SLC2A2: variants seen among roughly 807,000 people sequenced by gnomAD.
SLC2A2 encodes solute carrier family 2 member 2.
In SLC2A2, 36 loss-of-function variants were observed where a neutral mutation model predicts 54.5. The observed-to-expected ratio is 0.66, with a 90% CI of 0.51 to 0.87. SLC2A2 has a LOEUF of 0.87. Ranked by LOEUF, SLC2A2 falls within the 40% of genes least tolerant of loss-of-function variation. SLC2A2 has a pLI of 0.00. For missense variants in SLC2A2, 543 were observed against 624.3 expected, an observed-to-expected ratio of 0.87 and a Z score of 1.39; for synonymous variants, 223 against 219.1, an observed-to-expected ratio of 1.02 and a Z score of -0.16.
chr3:171,019,097 G>GTATA (rs775019312), intron 1 of SLC2A2, among the ~76,000 whole-genome samples: 282 of 20,124 alleles, frequency 0.014, 5 homozygotes, highest in East Asian at 0.037. Context: ...GTGTGTGTGT[G>GTATA]TATATATATA....
chr3:171,000,819 T>A (rs1715301503), intron 8 of SLC2A2, among the ~76,000 whole-genome samples: 1 of 152,124 alleles, frequency 6.6e-6, no homozygotes, highest in Admixed American at 6.6e-5. Context: ...TGCATATTTT[T>A]ATTTGAAAGT....
At chr3:171,025,858 T>TA (rs1716664486) in intron 1 of SLC2A2, among the ~76,000 whole-genome samples, 1 of 152,172 alleles carries the variant, frequency 6.6e-6, no homozygotes, top group African/African-American at 2.4e-5. Flanking sequence ...AGTTTTTTTT[T>TA]AAAGTATCAT....
chr3:171,026,630 TTGAAA>T, intron 1 of SLC2A2, 21 bp downstream of exon 1: 1 of 1,607,180 alleles, frequency 6.2e-7, no homozygotes, highest in Non-Finnish European at 8.5e-7. Flanking sequence ...AAAACCAGAC[TTGAAA>T]TGAATATAAT....
chr3:171,015,402 G>T (rs1716101886), intron 2 of SLC2A2, among the ~76,000 whole-genome samples: 1 of 152,112 alleles, frequency 6.6e-6, no homozygotes, highest in Non-Finnish European at 1.5e-5. Context: ...AGCCTGCGAG[G>T]TTGAGGCTGC....
intron 2 of SLC2A2, among the ~76,000 whole-genome samples, chr3:171,015,137 C>T (rs761973215): frequency 6.6e-5 from 10 of 152,112 alleles, no homozygotes; most frequent in African/African-American, 2.2e-4. Flanking sequence ...TAAATTTTTT[C>T]GAGTTTTAAA....
In SLC2A2 at chr3:170,998,316, C is replaced by A. The variant is rs371657103; in HGVS notation, c.1251G>T (p.Pro417=). 6.2e-7 allele frequency: 1 copy of A among 1,613,610 alleles called. No individual in the cohort carries two copies. Among genetic ancestry groups the A allele is most frequent in the Non-Finnish European group, 8.5e-7 (1 of 1,179,772 alleles). ...FVSFFEIGPG[P]IPWFMVAEFF... Reference sequence around the variant, plus strand: ...ACTCAGCCACCATGAACCAGGGGATCGGGCCTGGCCCAATTTCAAAGAAGC... The same window carrying A: ...ACTCAGCCACCATGAACCAGGGGATAGGGCCTGGCCCAATTTCAAAGAAGC... Residue 417 remains proline, a synonymous_variant, in exon 10 of 11, where the codon CCG becomes CCT. Coordinates refer to ENST00000314251, the MANE Select transcript of SLC2A2 (RefSeq NM_000340.2).
intron 1 of SLC2A2, among the ~76,000 whole-genome samples, chr3:171,019,393 A>G (rs1441986205): frequency 6.6e-6 from 1 of 151,916 alleles, no homozygotes; most frequent in Non-Finnish European, 1.5e-5. Context: ...CAGGATTTGC[A>G]TCTAGTTCAG....
intron 2 of SLC2A2, among the ~76,000 whole-genome samples, chr3:171,017,973 G>A (rs181805404): frequency 1.3e-5 from 2 of 152,274 alleles, no homozygotes; most frequent in African/African-American, 4.8e-5. Context: ...GTCACCTATG[G>A]GAGACAGGAA....
chr3:171,022,599 A>G (rs557076901), intron 1 of SLC2A2, among the ~76,000 whole-genome samples: 1 of 152,278 alleles, frequency 6.6e-6, no homozygotes, highest in East Asian at 1.9e-4. Flanking sequence ...TCCCAGTCTC[A>G]TCCCTGCATT....
intron 3 of SLC2A2, among the ~76,000 whole-genome samples, chr3:171,010,569 T>C (rs1483077755): frequency 1.3e-5 from 2 of 152,128 alleles, no homozygotes; most frequent in Non-Finnish European, 2.9e-5. Flanking sequence ...ATAGCTAAAT[T>C]CAATTCTATA....
chr3:171,004,713 G>A (rs1421014136), intron 7 of SLC2A2, among the ~76,000 whole-genome samples: 4 of 151,932 alleles, frequency 2.6e-5, no homozygotes, highest in Non-Finnish European at 2.9e-5. Context: ...CTAAAAGCTA[G>A]CTAGTTTAAT....
At chr3:171,005,608 T>G in intron 6 of SLC2A2, 136 bp from the exon 7 acceptor site, 1 of 724,600 alleles carries the variant, frequency 1.4e-6, no homozygotes, top group South Asian at 1.7e-5. Context: ...AATTCTTTTT[T>G]TGTTAAATTA....
chr3:170,998,955 G>C lies in SLC2A2; in HGVS notation c.1170+110C>G. 3 of 782,878 alleles carry C rather than the reference G, an allele frequency of 3.8e-6. No homozygotes were observed. The South Asian group carries it at 4.1e-5, about 11-fold the overall frequency. 48.5% of individuals were successfully genotyped at this position (782,878 alleles called of 1,614,324 possible). Reference sequence around the variant, plus strand: ...TATGCTGTTGCTCTGGCTTTATTTCGTAAGTCAGTCTCAAATATTTTTGAA... The same window carrying C: ...TATGCTGTTGCTCTGGCTTTATTTCCTAAGTCAGTCTCAAATATTTTTGAA... On this transcript the variant is annotated intron_variant, in intron 9 of 10. Transcript: ENST00000314251.
Position 170,998,097 on chromosome 3 carries a change from A to G in SLC2A2, c.1381T>C (p.Cys461Arg). The G allele has an allele frequency of 6.2e-7, 1 of 1,613,650 alleles. No homozygotes were observed. Among genetic ancestry groups the G allele is most frequent in the Non-Finnish European group, 8.5e-7 (1 of 1,179,764 alleles). Reference protein sequence around the residue: ...ALCFQYIADFCGPYVFFLFAG... With the variant: ...ALCFQYIADFRGPYVFFLFAG... ...AAGAGGAAAAACACATAAGGTCCACAGAAGTCCTGGATAGAAAGCAAACAC... is the reference window on the plus strand; with the variant it reads ...AAGAGGAAAAACACATAAGGTCCACGGAAGTCCTGGATAGAAAGCAAACAC... Residue 461 changes from cysteine (C) to arginine (R), a missense_variant, in exon 11 of 11, where the codon TGT (cysteine) becomes CGT (arginine). Coordinates refer to ENST00000314251, the MANE Select transcript of SLC2A2 (RefSeq NM_000340.2).
chr3:171,009,484 G>A (rs1715771750), intron 4 of SLC2A2, among the ~76,000 whole-genome samples: 1 of 151,958 alleles, frequency 6.6e-6, no homozygotes, highest in Non-Finnish European at 1.5e-5. Context: ...TGGCAGCCAG[G>A]TAGTCCATAA....
At chr3:171,000,794 G>A (rs1041588827) in intron 8 of SLC2A2, among the ~76,000 whole-genome samples, 3 of 152,076 alleles carry the variant, frequency 2.0e-5, no homozygotes, top group African/African-American at 4.8e-5. Flanking sequence ...AATATATTCA[G>A]TGCATATTTC....
chr3:171,003,205 GCTT>G (rs1367560761), intron 7 of SLC2A2, among the ~76,000 whole-genome samples: 1 of 151,764 alleles, frequency 6.6e-6, no homozygotes, highest in Admixed American at 6.6e-5. Context: ...TTTGTGCCTG[GCTT>G]CTTTTAGTCA....
intron 2 of SLC2A2, 43 bp downstream of exon 2, chr3:171,018,488 G>A (rs1311285354): frequency 7.5e-7 from 1 of 1,334,326 alleles, no homozygotes; most frequent in Non-Finnish European, 1.1e-6. Context: ...ATCTATCACT[G>A]ACAGAACTTG....
chr3:171,013,490 T>A (rs1403895914), intron 3 of SLC2A2, among the ~76,000 whole-genome samples: 1 of 152,018 alleles, frequency 6.6e-6, no homozygotes, highest in East Asian at 1.9e-4. Context: ...TTAAGAAAAC[T>A]TATAGTCATA....
Sources: allele counts gnomAD v4.1 joint callset (sites outside exome capture counted in the v4.1 genomes callset), GRCh38; gene constraint gnomAD v4.1.1; transcripts MANE v1.5; gene names NCBI Gene and HGNC (gene_info 2026-07-23, HGNC 2026-07-21).